The following THOC1 variants were observed in gnomAD, a reference collection of about 807,000 sequenced individuals.
THOC1 encodes the protein THO complex 1.
THOC1 carries 29 observed loss-of-function variants against 97.3 expected under a neutral mutation model. The ratio of observed to expected loss-of-function variants is 0.30; its 90% CI spans 0.22 to 0.41. THOC1 has a LOEUF of 0.41. Among genes scored for constraint, THOC1 ranks in the 10% least tolerant of loss-of-function variants. The pLI is 1.00. For missense variants in THOC1, 529 were observed against 761.9 expected, an observed-to-expected ratio of 0.69 and a Z score of 3.60; for synonymous variants, 255 against 257.0, an observed-to-expected ratio of 0.99 and a Z score of 0.07.
chr18:252,806 C>T (rs1337410388), intron 8 of THOC1, among the ~76,000 whole-genome samples, 194 bp from the exon 9 acceptor site: 2 of 152,134 alleles, frequency 1.3e-5, no homozygotes, highest in Non-Finnish European at 2.9e-5. Flanking sequence ...AACTCAAGAG[C>T]AGTATGACAA....
At chr18:228,208 T>C (rs527968094) in intron 11 of THOC1, among the ~76,000 whole-genome samples, 1 of 152,200 alleles carries the variant, frequency 6.6e-6, no homozygotes, top group East Asian at 1.9e-4. Flanking sequence ...CTGGGGTCAC[T>C]CACAGCTGCC....
intron 4 of THOC1, chr18:263,457 T>G (rs1475547283): frequency 1.3e-5 from 2 of 152,432 alleles, no homozygotes; most frequent in Non-Finnish European, 2.9e-5. Context: ...ATTCTCATTG[T>G]CCTCTCCTCC....
intron 9 of THOC1, 48 bp downstream of exon 9, chr18:252,491 T>C (rs1163195494): frequency 9.4e-6 from 13 of 1,382,226 alleles, no homozygotes; most frequent in South Asian, 4.7e-5. Context: ...CTCAATAAAT[T>C]AGGAGATTAT....
intron 12 of THOC1, chr18:225,964 A>G (rs9950805): frequency 0.16 from 25,049 of 152,472 alleles, 2,465 homozygotes; most frequent in African/African-American, 0.26. Context: ...AAGTACATGT[A>G]CATATTAAAC....
intron 17 of THOC1, 112 bp downstream of exon 17, chr18:223,317 GCCAAAAGTCAA>G: frequency 1.4e-6 from 1 of 699,728 alleles, no homozygotes; most frequent in South Asian, 2.3e-5. Context: ...ACGCTGCTGT[GCCAAAAGTCAA>G]CCACAATAAA....
chr18:242,312 T>C lies in THOC1; in HGVS notation c.918+4012A>G, dbSNP rs945054810. ...GCCAACATGGCAAAAAACCTGTCTC[T>C]ATTAAAAATACAAAAATTGGCCAGG... On this transcript the variant is annotated intron_variant, in intron 11 of 20. Transcript: ENST00000261600. The surrounding 1 kb of genome is among the most constrained non-coding windows in gnomAD (Gnocchi z 4.5). 1.1e-4 allele frequency among the ~76,000 whole-genome samples: 16 copies of C among 152,008 alleles called. No homozygotes were observed. The highest frequency in any genetic ancestry group is 3.9e-4 in the African/African-American group (16 of 41,364).
chr18:259,298 G>A (rs751767074), intron 6 of THOC1, 23 bp from the exon 7 acceptor site: 10 of 1,536,854 alleles, frequency 6.5e-6, no homozygotes, highest in Admixed American at 1.8e-5. Context: ...GAAAATGAAC[G>A]TTACACAGAA....
chr18:232,820 G>C (rs1259266846), intron 11 of THOC1, among the ~76,000 whole-genome samples: 5 of 152,052 alleles, frequency 3.3e-5, no homozygotes, highest in African/African-American at 9.7e-5. Flanking sequence ...ATCTGCACTA[G>C]AGATGCTTAG....
chr18:224,893 T>G (rs1265023648), intron 15 of THOC1, 31 bp downstream of exon 15: 1 of 1,522,604 alleles, frequency 6.6e-7, no homozygotes, highest in African/African-American at 1.4e-5. Flanking sequence ...GTGATGAGTA[T>G]GTATTTACCT....
chr18:245,989 G>A (rs182110478), intron 11 of THOC1: 51 of 164,904 alleles, frequency 3.1e-4, no homozygotes, highest in African/African-American at 1.2e-3. Context: ...CCCCTTACTT[G>A]CACCTAAATA....
chr18:214,702 A>T lies in THOC1; in HGVS notation c.1898T>A (p.Leu633Gln). 6.2e-7 allele frequency: 1 copy of T among 1,613,838 alleles called. No individual in the cohort carries two copies. Among genetic ancestry groups the T allele is most frequent in the East Asian group, 2.2e-5 (1 of 44,892 alleles). The change falls in exon 21 of 21, where the codon CTG (leucine) becomes CAG (glutamine). Residue 633 changes from leucine to glutamine, a missense_variant. By Grantham distance (113) the Leu-to-Gln change is moderately radical. Coordinates refer to ENST00000261600, the MANE Select transcript of THOC1 (RefSeq NM_005131.3). The part of the protein sequence containing the change: ...QEGVHATPEN[L>Q]INALNKSGLS... ...TCCAGACTTATTCAGTGCATTAATC[A>T]GATTCTCAGGTGTTGCATGAACTCC...
At chr18:218,848 G>A in intron 18 of THOC1, 38 bp downstream of exon 18, 1 of 1,515,830 alleles carries the variant, frequency 6.6e-7, no homozygotes, top group Non-Finnish European at 9.0e-7. Flanking sequence ...GAAACAAATT[G>A]AAGAAAATTA....
chr18:245,795 T>G (rs1387403349), intron 11 of THOC1: 1 of 152,566 alleles, frequency 6.6e-6, no homozygotes, highest in East Asian at 1.9e-4. Context: ...CCCAGCCTTG[T>G]CTCTTTTGTT....
At chr18:245,751 T>C (rs1912067709) in intron 11 of THOC1, 1 of 152,652 alleles carries the variant, frequency 6.6e-6, no homozygotes. Context: ...TTGGCATTTC[T>C]GGTCCATGAA....
chr18:216,435 T>C lies in THOC1; in HGVS notation c.1602+51A>G. On this transcript the variant is annotated intron_variant, in intron 19 of 20. Coordinates refer to ENST00000261600, the MANE Select transcript of THOC1 (RefSeq NM_005131.3). ...TTTTGCTCACATAGTGACAGCAATTTTAAAGAAGATGTCAACTAAAGGGTA... is the reference window on the plus strand; with the variant it reads ...TTTTGCTCACATAGTGACAGCAATTCTAAAGAAGATGTCAACTAAAGGGTA... The C allele has an allele frequency of 1.9e-6, 3 of 1,572,370 alleles. No homozygotes were observed. The East Asian group carries it at 6.8e-5, about 35-fold the overall frequency.
intron 18 of THOC1, among the ~76,000 whole-genome samples, chr18:217,159 GTC>G (rs1366140663): frequency 6.6e-6 from 1 of 152,238 alleles, no homozygotes; most frequent in Non-Finnish European, 1.5e-5. Context: ...TGGATTGGAA[GTC>G]TCTTCCTCCC....
intron 11 of THOC1, among the ~76,000 whole-genome samples, chr18:233,010 T>C (rs995895954): frequency 2.0e-5 from 3 of 152,236 alleles, no homozygotes; most frequent in African/African-American, 7.2e-5. Context: ...CTTTTTACTT[T>C]GCCTACGGTA....
intron 11 of THOC1, among the ~76,000 whole-genome samples, chr18:232,341 T>G (rs1911513209): frequency 6.6e-6 from 1 of 152,006 alleles, no homozygotes; most frequent in Non-Finnish European, 1.5e-5. Flanking sequence ...CAAGCAATCC[T>G]CCCGTCTTGG....
intron 9 of THOC1, 122 bp downstream of exon 9, chr18:252,417 C>A: frequency 1.3e-6 from 1 of 754,566 alleles, no homozygotes; most frequent in Non-Finnish European, 2.2e-6. Context: ...ATGAAAATTA[C>A]AAATGAAAGA....
Sources: gnomAD v4.1 joint callset for allele counts (sites outside exome capture counted in the v4.1 genomes callset) on GRCh38, gnomAD v4.1.1 for gene constraint, Gnocchi (gnomAD v3.1) non-coding constraint, MANE v1.5 for transcripts, NCBI Gene and HGNC (gene_info 2026-07-23, HGNC 2026-07-21) for gene names.